MGRN1: variants seen among roughly 807,000 people sequenced by gnomAD.
MGRN1 encodes the protein mahogunin ring finger 1.
Under a neutral mutation model 69.2 loss-of-function variants are expected in MGRN1, and 29 were observed. The observed-to-expected ratio is 0.42, with a 90% CI of 0.31 to 0.57. The LOEUF (loss-of-function observed/expected upper bound fraction) is 0.57, where lower values mean the gene tolerates loss of function less well. Ranked by LOEUF, MGRN1 falls within the 20% of genes least tolerant of loss-of-function variation. MGRN1 has a pLI of 0.15. For synonymous variants in MGRN1, 470 were observed against 344.2 expected (o/e 1.37, Z -4.04); for missense variants, 998 against 796.2 (o/e 1.25, Z -3.05).
chr16:4,639,490 G>A (rs977740019), intron 1 of MGRN1, among the ~76,000 whole-genome samples: 1 of 152,158 alleles, frequency 6.6e-6, no homozygotes, highest in African/African-American at 2.4e-5. Context: ...CATTAGGCTG[G>A]GGGCATCTGG....
chr16:4,672,601 A>G (rs1243240113), intron 9 of MGRN1: 2 of 390,178 alleles, frequency 5.1e-6, no homozygotes, highest in African/African-American at 2.1e-5. Flanking sequence ...GCCCGGGCAT[A>G]TGGTCTCTGT....
chr16:4,682,450 C>T lies in MGRN1; in HGVS notation c.1359-373C>T, dbSNP rs999014841. On this transcript the variant is annotated intron_variant, in intron 13 of 16. Transcript: ENST00000262370. ...CAGGAAGGCGCGGGTTCTGCAGGCC[C>T]GCCCTGGGCACCCTCCATGCCCACG... Among the ~76,000 whole-genome samples the T allele has an allele frequency of 9.2e-5, 14 of 152,326 alleles. No individual in the cohort carries two copies. In the Middle Eastern group the frequency reaches 0.01, roughly 111 times the overall value.
intron 1 of MGRN1, among the ~76,000 whole-genome samples, chr16:4,641,898 G>T (rs1001430950): frequency 6.6e-6 from 1 of 151,954 alleles, no homozygotes; most frequent in Non-Finnish European, 1.5e-5. Context: ...AAGCCATCTT[G>T]CCCACCTTGG....
intron 5 of MGRN1, among the ~76,000 whole-genome samples, chr16:4,663,029 G>A (rs2141917467): frequency 6.6e-6 from 1 of 152,318 alleles, no homozygotes; most frequent in Admixed American, 6.5e-5. Context: ...CCTGGGCTGG[G>A]CCTGCCAGGC....
chr16:4,659,255 A>G (rs2078621937), intron 5 of MGRN1: 1 of 152,208 alleles, frequency 6.6e-6, no homozygotes, highest in Non-Finnish European at 1.5e-5. Flanking sequence ...TCCCGGCATC[A>G]CTGGCGTGGA....
chr16:4,673,388 T>C lies in MGRN1; in HGVS notation c.796-110T>C, dbSNP rs1032340681. The stretch of plus-strand genomic sequence containing the variant: ...CTCCCCTCTGGACTTCTCTTTGTCA[T>C]GACAGCCCCCAGGGTAGGGTGGAGT... On this transcript the variant is annotated intron_variant, in intron 9 of 16. Transcript: ENST00000262370. 4.2e-6 allele frequency: 6 copies of C among 1,417,800 alleles called. No individual in the cohort carries two copies. In the Admixed American group the frequency reaches 6.0e-5, roughly 14 times the overall value. The allele number at this position is 1,417,800 out of a possible 1,614,324, so 87.8% of individuals were successfully genotyped here.
intron 16 of MGRN1, 85 bp from the exon 17 acceptor site, chr16:4,688,711 C>A (rs1404299074): frequency 6.8e-7 from 1 of 1,476,456 alleles, no homozygotes; most frequent in Non-Finnish European, 9.1e-7. Context: ...TGGCCCAGCC[C>A]CTCTGGGGCT....
intron 7 of MGRN1, among the ~76,000 whole-genome samples, chr16:4,667,009 G>C (rs1334836436): frequency 2.0e-5 from 3 of 152,140 alleles, no homozygotes; most frequent in Non-Finnish European, 4.4e-5. Flanking sequence ...CGGTGGCCCC[G>C]CCCCCAGTGT....
chr16:4,682,583 G>T (rs2079213146), intron 13 of MGRN1, among the ~76,000 whole-genome samples: 2 of 152,182 alleles, frequency 1.3e-5, no homozygotes, highest in South Asian at 4.1e-4. Context: ...GAAAAGGAAG[G>T]CTAGGCCCGT....
At chr16:4,687,578 T>TACACACAGAC (rs1555460769) in intron 16 of MGRN1, 1 of 628,106 alleles carries the variant, frequency 1.6e-6, no homozygotes, top group African/African-American at 2.4e-5. Context: ...AAAAAAAAAA[T>TACACACAGAC]ACACACACAC....
chr16:4,682,808 C>A lies in MGRN1; in HGVS notation c.1359-15C>A. ...TTATCCTCTCACCCCTGCCCACCCT[C>A]TCCTCTGTCCCCAGCACCCTACGGT... On this transcript the variant is annotated splice_polypyrimidine_tract_variant and intron_variant, in intron 13 of 16. Coordinates refer to ENST00000262370, the MANE Select transcript of MGRN1 (RefSeq NM_015246.4). 1 of 1,537,230 alleles carries A rather than the reference C, an allele frequency of 6.5e-7. No individual in the cohort carries two copies. The highest frequency in any genetic ancestry group is 8.8e-7 in the Non-Finnish European group (1 of 1,135,518).
chr16:4,666,123 C>T (rs559519823), intron 7 of MGRN1, among the ~76,000 whole-genome samples: 2 of 152,042 alleles, frequency 1.3e-5, no homozygotes, highest in East Asian at 1.9e-4. Flanking sequence ...GCCACCACAC[C>T]TGGCCATCTC....
At chr16:4,672,530 T>A (rs1353897501) in intron 9 of MGRN1, 2 of 448,266 alleles carry the variant, frequency 4.5e-6, no homozygotes, top group Non-Finnish European at 4.5e-6. Flanking sequence ...AGTGCATTCA[T>A]GTTTCATACC....
rs904121462 is a variant in MGRN1 at position 4,686,246 on chromosome 16, CCT to C, written c.1618+2318_1618+2319del. Reference sequence around the variant, plus strand: ...AACCGAGCTTCCGTCTGTCTCTCCCCCTCTCCGCGCAGCCCTGGGGCCCGACT... The same window carrying C: ...AACCGAGCTTCCGTCTGTCTCTCCCCCTCCGCGCAGCCCTGGGGCCCGACT... On this transcript the variant is annotated intron_variant, in intron 16 of 16. Transcript: ENST00000262370. The C allele has an allele frequency of 1.9e-6, 3 of 1,542,290 alleles. No individual in the cohort carries two copies. In the African/African-American group the frequency reaches 4.1e-5, roughly 21 times the overall value.
chr16:4,652,004 G>T lies in MGRN1; in HGVS notation c.249G>T (p.Thr83=), dbSNP rs767701943. 3.7e-6 allele frequency: 6 copies of T among 1,614,024 alleles called. No individual in the cohort carries two copies. Among genetic ancestry groups the T allele is most frequent in the Middle Eastern group, 1.7e-4 (1 of 6,058 alleles). ...CTGCCCCCCACGAGCCCGTGAAGAC[G>T]CTGCGGAGCCTGGTGAACATCCGCA... The part of the protein sequence containing the change: ...VTPAPHEPVK[T]LRSLVNIRKD... Residue 83 remains threonine (T), a synonymous_variant, in exon 3 of 17, where the codon ACG becomes ACT. Transcript: ENST00000262370.
At chr16:4,687,097 C>T in intron 16 of MGRN1, 2 of 985,462 alleles carry the variant, frequency 2.0e-6, no homozygotes, top group Non-Finnish European at 2.4e-6. Context: ...CGTGGGCTGC[C>T]TTTGTGCCAT....
At chr16:4,645,326 C>T (rs1019953991) in intron 1 of MGRN1, among the ~76,000 whole-genome samples, 3 of 151,928 alleles carry the variant, frequency 2.0e-5, no homozygotes, top group Admixed American at 6.6e-5. Flanking sequence ...GCTGCCATGC[C>T]CAGCTAATTT....
chr16:4,689,217 C>G lies in MGRN1; in HGVS notation c.*309C>G. The G allele has an allele frequency of 6.3e-6, 2 of 316,770 alleles. No individual in the cohort carries two copies. Among genetic ancestry groups the G allele is most frequent in the Middle Eastern group, 1.7e-3 (2 of 1,168 alleles). The allele number at this position is 316,770 out of a possible 1,614,324, so 19.6% of individuals were successfully genotyped here. On this transcript the variant is annotated 3_prime_UTR_variant, in exon 17 of 17. Coordinates refer to ENST00000262370, the MANE Select transcript of MGRN1 (RefSeq NM_015246.4). ...GGGGCTGGGGCTGCCCACGTGTGGC[C>G]TCCGCTGGCTCTGCCTGCTCCTGCA...
In MGRN1 at chr16:4,652,065, G is replaced by T; in HGVS notation, c.296+14G>T. The stretch of plus-strand genomic sequence containing the variant: ...GCGGCTGGTGAGGTAACTTCACCCT[G>T]CCCCTGGGGACCCTGTGGCTCTGTG... On this transcript the variant is annotated intron_variant, in intron 3 of 16. Transcript: ENST00000262370. The T allele has an allele frequency of 6.2e-7, 1 of 1,612,242 alleles. No homozygotes were observed.
Sources: allele counts gnomAD v4.1 joint callset (sites outside exome capture counted in the v4.1 genomes callset), GRCh38; gene constraint gnomAD v4.1.1; transcripts MANE v1.5; gene names NCBI Gene and HGNC (gene_info 2026-07-23, HGNC 2026-07-21).